COPG1: variants seen among roughly 807,000 people sequenced by gnomAD.
COPG1 encodes the protein coat protein complex I subunit gamma 1.
Under a neutral mutation model 102.8 loss-of-function variants are expected in COPG1, and 29 were observed. The observed-to-expected ratio is 0.28, with a 90% CI of 0.21 to 0.38. The LOEUF (loss-of-function observed/expected upper bound fraction) is 0.38. COPG1 is among the 10% of genes least tolerant of loss of function. The pLI, the probability that COPG1 is intolerant of heterozygous loss-of-function variation, is 1.00. For missense variants in COPG1, 875 were observed against 1,132.7 expected (o/e 0.77, Z 3.27); for synonymous variants, 406 against 421.6 (o/e 0.96, Z 0.45).
chr3:129,265,443 C>T, intron 13 of COPG1, 106 bp from the exon 14 acceptor site: 1 of 1,409,560 alleles, frequency 7.1e-7, no homozygotes, highest in East Asian at 2.3e-5. Flanking sequence ...ACCAAGTGCC[C>T]TGTCTCCAAG....
chr3:129,249,705 C>G lies in COPG1; in HGVS notation c.-5C>G. The stretch of plus-strand genomic sequence containing the variant: ...GTTGCTGCATTGCGCCCCACCGACT[C>G]CACTATGTTGAAGAAATTCGACAAG... On this transcript the variant is annotated 5_prime_UTR_variant, in exon 1 of 24. Coordinates refer to ENST00000314797, the MANE Select transcript of COPG1 (RefSeq NM_016128.4). 6.4e-7 allele frequency: 1 copy of G among 1,551,542 alleles called. No individual in the cohort carries two copies. The highest frequency in any genetic ancestry group is 1.2e-5 in the South Asian group (1 of 84,036).
chr3:129,259,460 C>CAAAA (rs781019383), intron 10 of COPG1, among the ~76,000 whole-genome samples: 3 of 47,526 alleles, frequency 6.3e-5, no homozygotes. Flanking sequence ...GACTCTATCT[C>CAAAA]AAAAAAAAAA....
chr3:129,268,446 G>T (rs773945685), intron 16 of COPG1, 49 bp from the exon 17 acceptor site: 84 of 1,602,336 alleles, frequency 5.2e-5, no homozygotes, highest in Non-Finnish European at 6.9e-5. Flanking sequence ...GGTCCCTGGT[G>T]CACATTTTGC....
chr3:129,272,280 G>A lies in COPG1; in HGVS notation c.2023G>A (p.Glu675Lys), dbSNP rs1234384077. The A allele has an allele frequency of 6.2e-7, 1 of 1,614,138 alleles. No homozygotes were observed. Among genetic ancestry groups the A allele is most frequent in the Non-Finnish European group, 8.5e-7 (1 of 1,179,992 alleles). Residue 675 changes from glutamate (E) to lysine (K), a missense_variant, in exon 20 of 24, where the codon GAG becomes AAG. Transcript: ENST00000314797. ...AAACACACTCAATGACCAGACCTTGGAGAATGTCACAGTGCAGATGGAGCC... is the reference window on the plus strand; with the variant it reads ...AAACACACTCAATGACCAGACCTTGAAGAATGTCACAGTGCAGATGGAGCC... Reference protein sequence around the residue: ...CTNTLNDQTLENVTVQMEPTE... With the variant: ...CTNTLNDQTLKNVTVQMEPTE...
At chr3:129,256,982 A>G (rs746006895) in intron 8 of COPG1, among the ~76,000 whole-genome samples, 8 of 152,228 alleles carry the variant, frequency 5.3e-5, no homozygotes, top group Non-Finnish European at 1.2e-4. Context: ...CTTTGTCAGT[A>G]CCAGCCAGGA....
At position 129,275,011 on chromosome 3, in the gene COPG1, A is replaced by G. The variant is rs1248747892; in HGVS notation, c.2395+35A>G. On this transcript the variant is annotated intron_variant, in intron 22 of 23. Coordinates refer to ENST00000314797, the MANE Select transcript of COPG1 (RefSeq NM_016128.4). This position sits in a 1 kb window ranked among gnomAD's most constrained non-coding sequence, Gnocchi z 5.0. ...TGGGAATGCCATCTCTGGCCTAATT[A>G]CTGTTCAAGATCTTTGGCTACTATT... 8.7e-6 allele frequency: 14 copies of G among 1,610,262 alleles called. No individual in the cohort carries two copies. The highest frequency in any genetic ancestry group is 1.2e-5 in the Non-Finnish European group (14 of 1,176,890).
intron 5 of COPG1, 109 bp from the exon 6 acceptor site, chr3:129,254,559 A>C (rs1040000329): frequency 1.4e-5 from 10 of 700,978 alleles, no homozygotes; most frequent in Non-Finnish European, 2.2e-5. Context: ...GAGGGAGAGC[A>C]CTGGTTAGGA....
intron 21 of COPG1, among the ~76,000 whole-genome samples, chr3:129,273,742 G>C (rs1304094753): frequency 6.6e-6 from 1 of 152,180 alleles, no homozygotes; most frequent in Non-Finnish European, 1.5e-5. Context: ...ATTCCTAGAA[G>C]GAGAATAGTT....
At chr3:129,272,549 A>T in intron 20 of COPG1, 134 bp downstream of exon 20, 3 of 779,658 alleles carry the variant, frequency 3.8e-6, no homozygotes, top group Non-Finnish European at 4.1e-6. Flanking sequence ...GAAGAAGAAT[A>T]GCTGAGTCCC....
At chr3:129,272,957 T>G in intron 21 of COPG1, 53 bp downstream of exon 21, 1 of 1,009,334 alleles carries the variant, frequency 9.9e-7, no homozygotes, top group Admixed American at 1.8e-5. Flanking sequence ...GCAAAGCAAC[T>G]CCCTTCAGGA....
chr3:129,271,666 G>T lies in COPG1; in HGVS notation c.1844-101G>T. 7.1e-7 allele frequency: 1 copy of T among 1,418,362 alleles called. No homozygotes were observed. The highest frequency in any genetic ancestry group is 9.8e-7 in the Non-Finnish European group (1 of 1,024,736). The allele number at this position is 1,418,362 out of a possible 1,614,324, so 87.9% of individuals were successfully genotyped here. A position where few individuals can be genotyped will look rare whatever the true frequency, so the allele number is the denominator to read the frequency against. On this transcript the variant is annotated intron_variant, in intron 18 of 23. Transcript: ENST00000314797. The surrounding 1 kb of genome is among the most constrained non-coding windows in gnomAD (Gnocchi z 4.7). ...TAAACATATCTATCCATCTAAGGTA[G>T]GGTGGAACACCTTGAGAATGGTCAT...
chr3:129,250,084 G>A (rs567771815), intron 1 of COPG1, among the ~76,000 whole-genome samples: 11 of 152,248 alleles, frequency 7.2e-5, no homozygotes, highest in Non-Finnish European at 1.3e-4. Context: ...GGCTACGTTG[G>A]TGCTGGCCAA....
chr3:129,272,037 G>A (rs547238510), intron 19 of COPG1, 128 bp downstream of exon 19: 1 of 1,156,402 alleles, frequency 8.6e-7, no homozygotes, highest in South Asian at 1.5e-5. Context: ...GACAGAATCT[G>A]TCCCCAACAG....
At position 129,268,611 on chromosome 3, in the gene COPG1, C is replaced by T; in HGVS notation, c.1765C>T (p.Gln589Ter). 2 of 1,614,122 alleles carry T rather than the reference C, an allele frequency of 1.2e-6. No individual in the cohort carries two copies. Among genetic ancestry groups the T allele is most frequent in the Non-Finnish European group, 1.7e-6 (2 of 1,180,004 alleles). The change falls in exon 17 of 24, where the codon CAG becomes TAG. Residue 589 changes from glutamine (Q) to a stop codon, truncating the protein, a stop_gained. Transcript: ENST00000314797. LOFTEE classifies it high-confidence loss of function. Reference sequence around the variant, plus strand: ...CCTGGCCACGGCGCCCATGGCAGAGCAGAGAACAGGTAACACTTATACTCC... The same window carrying T: ...CCTGGCCACGGCGCCCATGGCAGAGTAGAGAACAGGTAACACTTATACTCC... ...VPLATAPMAE[Q>*]RTESTPITAV...
In COPG1 at chr3:129,271,117, C is replaced by G. The variant is rs1020932791; in HGVS notation, c.1844-650C>G. 6.6e-6 allele frequency among the ~76,000 whole-genome samples: 1 copy of G among 152,164 alleles called. No individual in the cohort carries two copies. Among genetic ancestry groups the G allele is most frequent in the Non-Finnish European group, 1.5e-5 (1 of 68,034 alleles). ...ACCATGTGCACACATCTGCCAGATG[C>G]CTCATTCACTTGGGTTATTCCCTTT... On this transcript the variant is annotated intron_variant, in intron 18 of 23. Transcript: ENST00000314797. This position sits in a 1 kb window ranked among gnomAD's most constrained non-coding sequence, Gnocchi z 4.7.
chr3:129,267,332 T>G (rs1940082222), intron 15 of COPG1: 1 of 375,816 alleles, frequency 2.7e-6, no homozygotes, highest in South Asian at 2.6e-5. Flanking sequence ...TAAAAATAGC[T>G]CTATTGAAGC....
In COPG1 at chr3:129,255,002, T is replaced by C. The variant is rs1939777071; in HGVS notation, c.417T>C (p.Ala139=). The change falls in exon 7 of 24, where the codon GCT becomes GCC. Residue 139 remains alanine, a synonymous_variant. Coordinates refer to ENST00000314797, the MANE Select transcript of COPG1 (RefSeq NM_016128.4). ...CQITDSTMLQ[A]IERYMKQAIV... ...GCCCACAGAGCACCATGCTGCAGGC[T>C]ATTGAGCGCTACATGAAACAAGCCA... 2 of 1,613,938 alleles carry C rather than the reference T, an allele frequency of 1.2e-6. No individual in the cohort carries two copies. Among genetic ancestry groups the C allele is most frequent in the African/African-American group, 2.7e-5 (2 of 74,898 alleles).
intron 2 of COPG1, among the ~76,000 whole-genome samples, chr3:129,251,383 A>G (rs1284947851): frequency 6.8e-6 from 1 of 147,564 alleles, no homozygotes; most frequent in Non-Finnish European, 1.5e-5. Context: ...ATATATATAT[A>G]TATATGTATT....
At position 129,271,733 on chromosome 3, in the gene COPG1, G is replaced by C; in HGVS notation, c.1844-34G>C. 1.2e-6 allele frequency: 2 copies of C among 1,610,774 alleles called. No homozygotes were observed. The highest frequency in any genetic ancestry group is 1.7e-6 in the Non-Finnish European group (2 of 1,178,096). ...CCATCAACAAGTTGGTCTGGGGATC[G>C]AGAAGCTGAGTGAATGTGGCCTGTG... On this transcript the variant is annotated intron_variant, in intron 18 of 23. Coordinates refer to ENST00000314797, the MANE Select transcript of COPG1 (RefSeq NM_016128.4). The surrounding 1 kb of genome is among the most constrained non-coding windows in gnomAD (Gnocchi z 4.7).
Sources: gnomAD v4.1 joint callset for allele counts (sites outside exome capture counted in the v4.1 genomes callset) on GRCh38, gnomAD v4.1.1 for gene constraint, Gnocchi (gnomAD v3.1) non-coding constraint, MANE v1.5 for transcripts, NCBI Gene and HGNC (gene_info 2026-07-23, HGNC 2026-07-21) for gene names.